ACTL8: variants seen among roughly 807,000 people sequenced by gnomAD.
ACTL8 encodes actin like 8.
Under a neutral mutation model 9.3 loss-of-function variants are expected in ACTL8, and 3 were observed. That is an observed-to-expected ratio of 0.32 (90% CI 0.15 to 0.83). The LOEUF (loss-of-function observed/expected upper bound fraction) is 0.83. Among genes scored for constraint, ACTL8 ranks in the 40% least tolerant of loss-of-function variants. The pLI is 0.57. For synonymous variants in ACTL8, 224 were observed against 205.9 expected (o/e 1.09, Z -0.75); for missense variants, 381 against 492.2 (o/e 0.77, Z 2.14).
At chr1:17,812,511 C>T (rs1392771133) in intron 1 of ACTL8, among the ~76,000 whole-genome samples, 1 of 148,960 alleles carries the variant, frequency 6.7e-6, no homozygotes, top group Admixed American at 6.8e-5. Context: ...CTCACTGCAA[C>T]CTCCGCCTCC....
intron 1 of ACTL8, 69 bp from the exon 2 acceptor site, chr1:17,822,916 G>A (rs2053675444): frequency 2.8e-6 from 3 of 1,068,454 alleles, no homozygotes; most frequent in Non-Finnish European, 4.0e-6. Flanking sequence ...TGACTGTTGG[G>A]TAGAGGGGGA....
chr1:17,813,137 A>C (rs149577293), intron 1 of ACTL8, among the ~76,000 whole-genome samples: 1,808 of 152,238 alleles, frequency 0.012, 34 homozygotes, highest in African/African-American at 0.041. Flanking sequence ...TTGTTTCTTC[A>C]GTCTTGCCAT....
chr1:17,799,109 A>C (rs1327326765), intron 1 of ACTL8, among the ~76,000 whole-genome samples: 1 of 152,080 alleles, frequency 6.6e-6, no homozygotes, highest in Non-Finnish European at 1.5e-5. Context: ...GTCCCATCAC[A>C]AGCTTGGAGG....
At chr1:17,815,225 T>C (rs1208118711) in intron 1 of ACTL8, among the ~76,000 whole-genome samples, 2 of 152,234 alleles carry the variant, frequency 1.3e-5, no homozygotes, top group Admixed American at 6.5e-5. Flanking sequence ...AAAAATATAC[T>C]TTATAATTTT....
intron 1 of ACTL8, among the ~76,000 whole-genome samples, chr1:17,772,782 A>G (rs2066092924): frequency 6.6e-6 from 1 of 152,116 alleles, no homozygotes; most frequent in Non-Finnish European, 1.5e-5. Context: ...ACAGGGACCC[A>G]GAGGGGTGTT....
intron 1 of ACTL8, among the ~76,000 whole-genome samples, chr1:17,770,708 G>A (rs150573723): frequency 4.2e-4 from 64 of 152,276 alleles, no homozygotes; most frequent in African/African-American, 1.5e-3. Context: ...GACAGTAGTG[G>A]CAGAAGAGGA....
intron 1 of ACTL8, among the ~76,000 whole-genome samples, chr1:17,800,251 G>A (rs2066310894): frequency 6.6e-6 from 1 of 152,124 alleles, no homozygotes; most frequent in African/African-American, 2.4e-5. Context: ...CTCCATACAA[G>A]TCTTGAGCAT....
In ACTL8 at chr1:17,775,631, A is replaced by G. The variant is rs539939962; in HGVS notation, c.-25+20127A>G. ...GGTCACCTGTGTCCCATGGTAGTTAAATCTAACAGCCACGTCAGTCCTCAT... is the reference window on the plus strand; with the variant it reads ...GGTCACCTGTGTCCCATGGTAGTTAGATCTAACAGCCACGTCAGTCCTCAT... On this transcript the variant is annotated intron_variant, in intron 1 of 2. Coordinates refer to ENST00000375406, the MANE Select transcript of ACTL8 (RefSeq NM_030812.3). 2.0e-5 allele frequency among the ~76,000 whole-genome samples: 3 copies of G among 152,322 alleles called. No homozygotes were observed. The South Asian group carries it at 6.2e-4, about 32-fold the overall frequency.
At chr1:17,804,682 A>ACTGCAACCT (rs983619108) in intron 1 of ACTL8, among the ~76,000 whole-genome samples, 8 of 150,572 alleles carry the variant, frequency 5.3e-5, no homozygotes, top group Non-Finnish European at 8.9e-5. Context: ...ATCTCGGCTC[A>ACTGCAACCT]CTGCAACCTC....
At chr1:17,778,530 C>T (rs2066131745) in intron 1 of ACTL8, among the ~76,000 whole-genome samples, 1 of 152,062 alleles carries the variant, frequency 6.6e-6, no homozygotes, top group Admixed American at 6.5e-5. Flanking sequence ...TTTGGTGAAG[C>T]AAAAATCCCA....
intron 1 of ACTL8, among the ~76,000 whole-genome samples, chr1:17,804,473 G>A (rs965029164): frequency 5.3e-5 from 8 of 152,158 alleles, no homozygotes; most frequent in Non-Finnish European, 7.3e-5. Context: ...CATGGGGAAA[G>A]GGCAGGTCCA....
chr1:17,770,146 A>T (rs78501891), intron 1 of ACTL8, among the ~76,000 whole-genome samples: 2,718 of 152,300 alleles, frequency 0.018, 72 homozygotes, highest in African/African-American at 0.063. Context: ...TTAATCAGAG[A>T]TGTAGAATTG....
At chr1:17,771,209 GTGGC>G (rs1198608726) in intron 1 of ACTL8, among the ~76,000 whole-genome samples, 20 of 152,196 alleles carry the variant, frequency 1.3e-4, no homozygotes, top group African/African-American at 4.3e-4. Context: ...AATGATGGGC[GTGGC>G]TGTGTTCCAA....
Position 17,825,620 on chromosome 1 carries a change from C to T in ACTL8, c.349-147C>T, listed in dbSNP as rs1045754277. 8 of 1,041,870 alleles carry T rather than the reference C, an allele frequency of 7.7e-6. No individual in the cohort carries two copies. In the African/African-American group the frequency reaches 1.1e-4, roughly 15 times the overall value. The allele number at this position is 1,041,870 out of a possible 1,614,324, so 64.5% of individuals were successfully genotyped here. A position where few individuals can be genotyped will look rare whatever the true frequency, so the allele number is the denominator to read the frequency against. ...AATCCTCCAGAGCTGCTGCATTATC[C>T]TCACTGCATAAGCTCCAGGGGCCCT... On this transcript the variant is annotated intron_variant, in intron 2 of 2. Transcript: ENST00000375406.
intron 2 of ACTL8, among the ~76,000 whole-genome samples, chr1:17,824,701 T>G (rs1394361274): frequency 6.6e-6 from 1 of 152,210 alleles, no homozygotes; most frequent in African/African-American, 2.4e-5. Context: ...TAACTGGGCA[T>G]CCTGTAGTTT....
intron 1 of ACTL8, among the ~76,000 whole-genome samples, chr1:17,789,383 C>T (rs2066221261): frequency 6.6e-6 from 1 of 152,248 alleles, no homozygotes; most frequent in Non-Finnish European, 1.5e-5. Context: ...CAGTCCCTCT[C>T]AGTGCCCCTT....
intron 1 of ACTL8, among the ~76,000 whole-genome samples, chr1:17,796,520 T>C (rs1214064693): frequency 6.6e-6 from 1 of 152,176 alleles, no homozygotes; most frequent in Non-Finnish European, 1.5e-5. Context: ...GGAGAACAAC[T>C]TGTCCAAGGT....
At chr1:17,796,808 C>T (rs915010394) in intron 1 of ACTL8, among the ~76,000 whole-genome samples, 14 of 152,218 alleles carry the variant, frequency 9.2e-5, no homozygotes, top group African/African-American at 2.2e-4. Context: ...TAGATTGCAA[C>T]GAGTAGGGAG....
At chr1:17,758,832 T>C (rs2102671706) in intron 1 of ACTL8, among the ~76,000 whole-genome samples, 1 of 152,326 alleles carries the variant, frequency 6.6e-6, no homozygotes, top group South Asian at 2.1e-4. Flanking sequence ...ACAATTAGAG[T>C]AAGCACACTT....
Sources: gnomAD v4.1 joint callset for allele counts (sites outside exome capture counted in the v4.1 genomes callset) on GRCh38, gnomAD v4.1.1 for gene constraint, MANE v1.5 for transcripts, NCBI Gene and HGNC (gene_info 2026-07-23, HGNC 2026-07-21) for gene names.